The following TMEM132D variants were observed in gnomAD, a reference collection of about 807,000 sequenced individuals.
The protein encoded by TMEM132D is mature OL transmembrane protein.
In TMEM132D, 21 loss-of-function variants were observed where a neutral mutation model predicts 62.3. That is an observed-to-expected ratio of 0.34 (90% CI 0.24 to 0.49). TMEM132D has a LOEUF of 0.49. TMEM132D is among the 20% of genes least tolerant of loss of function. The probability of loss-of-function intolerance (pLI) is 0.99; values close to 1 mark genes in which losing one functional copy is unlikely to be tolerated. For missense variants in TMEM132D, 1,346 were observed against 1,402.8 expected (o/e 0.96, Z 0.65); for synonymous variants, 621 against 575.6 (o/e 1.08, Z -1.13).
chr12:129,184,073 T>C (rs1389287963), intron 5 of TMEM132D, among the ~76,000 whole-genome samples: 1 of 152,176 alleles, frequency 6.6e-6, no homozygotes, highest in African/African-American at 2.4e-5. Context: ...GGGAGGACAG[T>C]GTGTTCCTTA....
intron 3 of TMEM132D, among the ~76,000 whole-genome samples, chr12:129,454,770 G>T (rs1461840167): frequency 6.6e-6 from 1 of 152,180 alleles, no homozygotes; most frequent in Non-Finnish European, 1.5e-5. Flanking sequence ...CCGTGTCTCT[G>T]CCTCTCATCT....
rs543566117 is a variant in TMEM132D at position 129,838,373 on chromosome 12, G to A, written c.79+64888C>T. ...TAGATGCAATTTGAGAGAATGCAAC[G>A]GTTCCTTATCTGGAAAGAGAGAGAC... On this transcript the variant is annotated intron_variant, in intron 1 of 8. Coordinates refer to ENST00000422113, the MANE Select transcript of TMEM132D (RefSeq NM_133448.3). Among the ~76,000 whole-genome samples, 10 of 152,296 alleles carry A rather than the reference G, an allele frequency of 6.6e-5. No homozygotes were observed. In the South Asian group the frequency reaches 1.0e-3, roughly 16 times the overall value.
At chr12:129,258,874 G>T (rs1230770365) in intron 4 of TMEM132D, among the ~76,000 whole-genome samples, 1 of 152,222 alleles carries the variant, frequency 6.6e-6, no homozygotes. Context: ...GAAAAGGTGG[G>T]CGATGTGTGC....
At chr12:129,848,782 C>G (rs1210959481) in intron 1 of TMEM132D, among the ~76,000 whole-genome samples, 1 of 152,094 alleles carries the variant, frequency 6.6e-6, no homozygotes, top group Non-Finnish European at 1.5e-5. Flanking sequence ...GAGTTGAAAC[C>G]AATGAGACGT....
intron 4 of TMEM132D, among the ~76,000 whole-genome samples, chr12:129,329,881 G>A (rs1034020314): frequency 1.3e-5 from 2 of 152,162 alleles, no homozygotes; most frequent in East Asian, 1.9e-4. Context: ...AGTATGGTTG[G>A]TGAAAAGGAA....
intron 4 of TMEM132D, among the ~76,000 whole-genome samples, chr12:129,241,095 T>C (rs1044613014): frequency 6.7e-6 from 1 of 149,050 alleles, no homozygotes; most frequent in Non-Finnish European, 1.5e-5. Context: ...TTCAATAATA[T>C]GTTATTTATA....
chr12:129,522,952 A>T (rs971746140), intron 3 of TMEM132D, among the ~76,000 whole-genome samples: 1 of 151,132 alleles, frequency 6.6e-6, no homozygotes, highest in Non-Finnish European at 1.5e-5. Flanking sequence ...GACATAGATT[A>T]TATATATATA....
chr12:129,368,466 T>A (rs1261613002), intron 3 of TMEM132D, among the ~76,000 whole-genome samples: 1 of 152,228 alleles, frequency 6.6e-6, no homozygotes, highest in Non-Finnish European at 1.5e-5. Flanking sequence ...TATTTGCATA[T>A]TGGCTTCTTT....
intron 3 of TMEM132D, among the ~76,000 whole-genome samples, chr12:129,443,242 C>G (rs888495613): frequency 6.6e-6 from 1 of 152,196 alleles, no homozygotes; most frequent in African/African-American, 2.4e-5. Flanking sequence ...CTGCTTCCTG[C>G]GCAACTCCTC....
chr12:129,108,534 G>A (rs555193742), intron 5 of TMEM132D, among the ~76,000 whole-genome samples: 9 of 152,252 alleles, frequency 5.9e-5, no homozygotes, highest in African/African-American at 2.2e-4. Context: ...AGATGACTCG[G>A]CTCAGGTGAA....
At chr12:129,303,652 C>T (rs1305895039) in intron 4 of TMEM132D, among the ~76,000 whole-genome samples, 1 of 152,086 alleles carries the variant, frequency 6.6e-6, no homozygotes, top group Non-Finnish European at 1.5e-5. Flanking sequence ...CAGGGTTCTC[C>T]TGAGAAGCAG....
intron 1 of TMEM132D, among the ~76,000 whole-genome samples, chr12:129,707,174 ACTATAT>A (rs1302642894): frequency 6.7e-6 from 1 of 148,192 alleles, no homozygotes; most frequent in Non-Finnish European, 1.5e-5. Flanking sequence ...TATAATATAT[ACTATAT>A]CTATAATAAC....
rs1225896012 is a variant in TMEM132D, at chr12:129,684,639, CAGA to C, written c.968+15168_968+15170del. ...AGAGATTGGAAATGTTTGGAGGGCT[CAGA>C]AGAAGAACAGGAAAATGTTGGGAAG... On this transcript the variant is annotated intron_variant, in intron 2 of 8. Coordinates refer to ENST00000422113, the MANE Select transcript of TMEM132D (RefSeq NM_133448.3). Among the ~76,000 whole-genome samples, 6 of 151,804 alleles carry C rather than the reference CAGA, an allele frequency of 4.0e-5. 1 individual carries two copies. Among genetic ancestry groups the C allele is most frequent in the Admixed American group, 2.0e-4 (3 of 15,246 alleles).
At chr12:129,649,866 A>G (rs199808331) in intron 2 of TMEM132D, among the ~76,000 whole-genome samples, 1 of 147,324 alleles carries the variant, frequency 6.8e-6, no homozygotes, top group Non-Finnish European at 1.5e-5. Flanking sequence ...ATGTGTATGT[A>G]TGTGTGTGCA....
chr12:129,651,425 T>G (rs1208242126), intron 2 of TMEM132D, among the ~76,000 whole-genome samples: 7 of 152,176 alleles, frequency 4.6e-5, no homozygotes, highest in Non-Finnish European at 1.0e-4. Flanking sequence ...TTCATCATTT[T>G]GTACTCTCCA....
At chr12:129,170,862 G>T (rs1268878701) in intron 5 of TMEM132D, among the ~76,000 whole-genome samples, 1 of 152,090 alleles carries the variant, frequency 6.6e-6, no homozygotes, top group Non-Finnish European at 1.5e-5. Context: ...CCATTAACAA[G>T]TCATAATCTT....
chr12:129,424,436 C>T (rs1593374199), intron 3 of TMEM132D, among the ~76,000 whole-genome samples: 1 of 152,142 alleles, frequency 6.6e-6, no homozygotes, highest in African/African-American at 2.4e-5. Flanking sequence ...TTGCAGGATG[C>T]TTTCTGTTTT....
chr12:129,357,751 C>CT (rs1255655649), intron 3 of TMEM132D, among the ~76,000 whole-genome samples: 6 of 152,150 alleles, frequency 3.9e-5, no homozygotes, highest in Non-Finnish European at 7.4e-5. Flanking sequence ...GCTAGCTCCA[C>CT]TTTGGAAGAA....
intron 1 of TMEM132D, among the ~76,000 whole-genome samples, chr12:129,763,843 C>T (rs750325535): frequency 5.9e-5 from 9 of 152,170 alleles, no homozygotes; most frequent in Non-Finnish European, 1.2e-4. Context: ...AAAAGTCAGC[C>T]GCAGGTGGAA....
Sources: gnomAD v4.1 joint callset for allele counts (sites outside exome capture counted in the v4.1 genomes callset) on GRCh38, gnomAD v4.1.1 for gene constraint, MANE v1.5 for transcripts, NCBI Gene and HGNC (gene_info 2026-07-23, HGNC 2026-07-21) for gene names.